The following AGBL4 variants were observed in gnomAD, a reference collection of about 807,000 sequenced individuals.
AGBL4 encodes AGBL carboxypeptidase 4.
Under a neutral mutation model 66.4 loss-of-function variants are expected in AGBL4, and 58 were observed. The ratio of observed to expected loss-of-function variants is 0.87; its 90% CI spans 0.71 to 1.09. The LOEUF is 1.09. AGBL4 is among the 50% of genes least tolerant of loss of function. The pLI, the probability that AGBL4 is intolerant of heterozygous loss-of-function variation, is 0.00. For missense variants in AGBL4, 579 were observed against 631.0 expected, an observed-to-expected ratio of 0.92 and a Z score of 0.88; for synonymous variants, 234 against 222.9, an observed-to-expected ratio of 1.05 and a Z score of -0.44.
intron 3 of AGBL4, among the ~76,000 whole-genome samples, chr1:49,321,720 A>G (rs1341754366): frequency 6.6e-6 from 1 of 152,244 alleles, no homozygotes; most frequent in African/African-American, 2.4e-5. Flanking sequence ...TGTTATGTTC[A>G]TACGATGGAA....
chr1:49,854,676 G>T (rs1646390376), intron 1 of AGBL4, among the ~76,000 whole-genome samples: 1 of 152,092 alleles, frequency 6.6e-6, no homozygotes. Context: ...CAACCAGAGG[G>T]CTGCAGCATT....
intron 1 of AGBL4, among the ~76,000 whole-genome samples, chr1:49,862,297 C>CAGA (rs1646592095): frequency 6.8e-6 from 1 of 146,156 alleles, no homozygotes; most frequent in Non-Finnish European, 1.5e-5. Flanking sequence ...ACTGATCAAG[C>CAGA]AGAAGAAAGA....
At chr1:49,169,500 T>A (rs982211377) in intron 4 of AGBL4, among the ~76,000 whole-genome samples, 1 of 152,224 alleles carries the variant, frequency 6.6e-6, no homozygotes, top group Non-Finnish European at 1.5e-5. Flanking sequence ...GAAACTCATA[T>A]AACAAAATTA....
chr1:49,543,182 C>T (rs1210728815), intron 3 of AGBL4, among the ~76,000 whole-genome samples: 18 of 152,142 alleles, frequency 1.2e-4, no homozygotes, highest in Admixed American at 1.2e-3. Flanking sequence ...CTGAGCCCTA[C>T]TTGCCAAGTC....
chr1:48,934,613 A>G (rs865878857), intron 5 of AGBL4, among the ~76,000 whole-genome samples: 1 of 152,062 alleles, frequency 6.6e-6, no homozygotes, highest in African/African-American at 2.4e-5. Flanking sequence ...CTTCCTCCAG[A>G]ATTCCTTATC....
intron 3 of AGBL4, among the ~76,000 whole-genome samples, chr1:49,466,966 G>C (rs775603843): frequency 6.6e-6 from 1 of 151,722 alleles, no homozygotes; most frequent in African/African-American, 2.4e-5. Context: ...ATTAAAGTCA[G>C]AGAAAAAAAT....
chr1:49,132,989 C>G (rs979143491), intron 4 of AGBL4, among the ~76,000 whole-genome samples: 1 of 152,148 alleles, frequency 6.6e-6, no homozygotes, highest in Non-Finnish European at 1.5e-5. Context: ...GGAACCAACC[C>G]AAATGCCCAT....
chr1:48,790,331 C>T (rs1029549928), intron 6 of AGBL4, among the ~76,000 whole-genome samples: 1 of 152,012 alleles, frequency 6.6e-6, no homozygotes, highest in Non-Finnish European at 1.5e-5. Context: ...AATGAAAAGA[C>T]AGACACAAAT....
At chr1:49,854,246 C>G (rs1465110958) in intron 1 of AGBL4, among the ~76,000 whole-genome samples, 1 of 151,732 alleles carries the variant, frequency 6.6e-6, no homozygotes, top group African/African-American at 2.4e-5. Context: ...AACCACACAT[C>G]AAATAAAGTG....
intron 5 of AGBL4, among the ~76,000 whole-genome samples, chr1:49,019,208 G>GA (rs1311190727): frequency 5.3e-5 from 8 of 152,112 alleles, no homozygotes; most frequent in Non-Finnish European, 1.0e-4. Context: ...TCTGCTCTTG[G>GA]ATAAGAGACG....
chr1:49,277,092 G>A (rs72897743), intron 3 of AGBL4, among the ~76,000 whole-genome samples: 4 of 152,012 alleles, frequency 2.6e-5, no homozygotes, highest in African/African-American at 4.8e-5. Flanking sequence ...AAAAAGTAAA[G>A]AGTCATTTAC....
intron 4 of AGBL4, among the ~76,000 whole-genome samples, chr1:49,169,091 C>T (rs1055668041): frequency 6.6e-6 from 1 of 152,158 alleles, no homozygotes; most frequent in Non-Finnish European, 1.5e-5. Flanking sequence ...CTGAGATTGC[C>T]TCCAACCCAA....
chr1:49,835,987 C>T (rs1477455706), intron 2 of AGBL4, among the ~76,000 whole-genome samples: 7 of 152,138 alleles, frequency 4.6e-5, no homozygotes, highest in African/African-American at 1.7e-4. Context: ...GTAACCCAAC[C>T]TTTCTCTCTG....
At chr1:49,096,753 T>G (rs1363894316) in intron 4 of AGBL4, among the ~76,000 whole-genome samples, 3 of 150,940 alleles carry the variant, frequency 2.0e-5, no homozygotes, top group Admixed American at 6.6e-5. Flanking sequence ...GACGAGGTAA[T>G]GGGTGCAGCA....
chr1:49,958,576 C>T (rs1414345048), intron 1 of AGBL4, among the ~76,000 whole-genome samples: 2 of 151,666 alleles, frequency 1.3e-5, no homozygotes, highest in African/African-American at 4.8e-5. Context: ...CCATCATTCT[C>T]AGCAAACTAT....
chr1:49,418,642 A>C (rs950706865), intron 3 of AGBL4, among the ~76,000 whole-genome samples: 1 of 152,220 alleles, frequency 6.6e-6, no homozygotes, highest in South Asian at 2.1e-4. Flanking sequence ...TAGACTGTGC[A>C]TTTCAGGCCA....
rs558057382 is a variant in AGBL4, at chr1:49,589,803, A to G, written c.282+107510T>C. Among the ~76,000 whole-genome samples, 4 of 152,218 alleles carry G rather than the reference A, an allele frequency of 2.6e-5. No individual in the cohort carries two copies. In the East Asian group the frequency reaches 5.8e-4, roughly 22 times the overall value. On this transcript the variant is annotated intron_variant, in intron 3 of 13. Coordinates refer to ENST00000371839, the MANE Select transcript of AGBL4 (RefSeq NM_032785.4). ...TAATTGAAGCTTGTTGACAGACTCA[A>G]GAGAGCCCTGTGTGGGAATGTATAC...
intron 3 of AGBL4, among the ~76,000 whole-genome samples, chr1:49,619,008 T>C (rs931529249): frequency 6.6e-6 from 1 of 152,086 alleles, no homozygotes; most frequent in Non-Finnish European, 1.5e-5. Context: ...CCACAGCCAA[T>C]ATCATACTGA....
intron 5 of AGBL4, among the ~76,000 whole-genome samples, chr1:49,029,539 A>T (rs936615118): frequency 1.3e-5 from 2 of 152,210 alleles, no homozygotes; most frequent in Non-Finnish European, 2.9e-5. Context: ...ATTAAAGAAG[A>T]TCTAAATAAA....
Sources: allele counts gnomAD v4.1 joint callset (sites outside exome capture counted in the v4.1 genomes callset), GRCh38; gene constraint gnomAD v4.1.1; transcripts MANE v1.5; gene names NCBI Gene and HGNC (gene_info 2026-07-23, HGNC 2026-07-21).